The following GTF2E2 variants were observed in gnomAD, a reference collection of about 807,000 sequenced individuals.
GTF2E2 encodes the protein transcription initiation factor IIE subunit beta.
A neutral mutation model predicts 40.5 loss-of-function variants in GTF2E2; 21 were observed. That is an observed-to-expected ratio of 0.52 (90% confidence interval 0.37 to 0.75). The LOEUF (loss-of-function observed/expected upper bound fraction) is 0.75, where lower values mean the gene tolerates loss of function less well. Among genes scored for constraint, GTF2E2 ranks in the 30% least tolerant of loss-of-function variants. The pLI, the probability that GTF2E2 is intolerant of heterozygous loss-of-function variation, is 0.00. For synonymous variants in GTF2E2, 117 were observed against 121.6 expected (o/e 0.96, Z 0.25); for missense variants, 298 against 338.4 (o/e 0.88, Z 0.94).
At chr8:30,619,695 A>G (rs1215063824) in intron 3 of GTF2E2, among the ~76,000 whole-genome samples, 1 of 151,936 alleles carries the variant, frequency 6.6e-6, no homozygotes, top group East Asian at 1.9e-4. Flanking sequence ...CCAAACTGAC[A>G]TATTTTTTAA....
chr8:30,652,886 A>G (rs1802327645), intron 2 of GTF2E2, among the ~76,000 whole-genome samples: 1 of 152,254 alleles, frequency 6.6e-6, no homozygotes, highest in Non-Finnish European at 1.5e-5. Context: ...ACCAATAAAA[A>G]TGGAATGAAG....
At chr8:30,641,959 C>G (rs1161348931) in intron 2 of GTF2E2, among the ~76,000 whole-genome samples, 2 of 152,134 alleles carry the variant, frequency 1.3e-5, no homozygotes, top group Non-Finnish European at 2.9e-5. Flanking sequence ...GGCCACAGCA[C>G]CCAGCCAAGC....
chr8:30,628,446 G>C (rs1801347358), intron 3 of GTF2E2, among the ~76,000 whole-genome samples: 1 of 152,164 alleles, frequency 6.6e-6, no homozygotes, highest in Non-Finnish European at 1.5e-5. Context: ...AACTTATCAT[G>C]TCCACAACTT....
chr8:30,638,474 T>C (rs1331094975), intron 2 of GTF2E2: 2 of 152,524 alleles, frequency 1.3e-5, no homozygotes, highest in African/African-American at 4.8e-5. Flanking sequence ...AGTTTATGAA[T>C]GATTTACTCT....
chr8:30,608,353 G>C (rs911349823), intron 5 of GTF2E2, among the ~76,000 whole-genome samples: 1 of 152,174 alleles, frequency 6.6e-6, no homozygotes, highest in African/African-American at 2.4e-5. Context: ...ACAGTATTTT[G>C]TGAAAAGAAT....
Position 30,615,874 on chromosome 8 carries a change from A to G in GTF2E2, c.259-1159T>C, listed in dbSNP as rs1341640753. On this transcript the variant is annotated intron_variant, in intron 3 of 7. Coordinates refer to ENST00000355904, the MANE Select transcript of GTF2E2 (RefSeq NM_002095.6). ...ATGTACATACAAAAATCCACTAAGG[A>G]TGCTTATTACAGCTTTATCCATAAT... Among the ~76,000 whole-genome samples the G allele has an allele frequency of 2.6e-5, 4 of 152,212 alleles. 1 individual carries two copies. In the East Asian group the frequency reaches 7.7e-4, roughly 29 times the overall value.
At position 30,609,279 on chromosome 8, in the gene GTF2E2, A is replaced by G. The variant is rs534602802; in HGVS notation, c.550-2129T>C. On this transcript the variant is annotated intron_variant, in intron 5 of 7. Coordinates refer to ENST00000355904, the MANE Select transcript of GTF2E2 (RefSeq NM_002095.6). ...AGACTCCGCCTCAAAAAAAAAAAAA[A>G]AGAGAAAGAAAGAAAGAAAGAAATA... 5.2e-3 allele frequency among the ~76,000 whole-genome samples: 655 copies of G among 126,406 alleles called. 5 individuals are homozygous for G. Among genetic ancestry groups the G allele is most frequent in the African/African-American group, 0.019 (616 of 31,964 alleles). The allele number at this position is 126,406 out of a possible 152,430, so 82.9% of individuals were successfully genotyped here. A position where few individuals can be genotyped will look rare whatever the true frequency, so the allele number is the denominator to read the frequency against.
chr8:30,637,092 A>T lies in GTF2E2; in HGVS notation c.167-1969T>A, dbSNP rs1167147987. ...TAAATATAATAAAATTGAGGGTAGT[A>T]AGCAGCAGAGTATAGATTCAAATCC... is the stretch of plus-strand genomic sequence containing the variant. On this transcript the variant is annotated intron_variant, in intron 2 of 7. Coordinates refer to ENST00000355904, the MANE Select transcript of GTF2E2 (RefSeq NM_002095.6). The T allele has an allele frequency of 1.8e-5, 7 of 399,970 alleles. No individual in the cohort carries two copies. The East Asian group carries it at 5.0e-4, about 29-fold the overall frequency. The allele number at this position is 399,970 out of a possible 1,614,324, so 24.8% of individuals were successfully genotyped here. A position where few individuals can be genotyped will look rare whatever the true frequency, so the allele number is the denominator to read the frequency against.
At chr8:30,600,401 C>G (rs1415957100) in intron 6 of GTF2E2, among the ~76,000 whole-genome samples, 1 of 152,140 alleles carries the variant, frequency 6.6e-6, no homozygotes, top group African/African-American at 2.4e-5. Context: ...TTACTTTCCA[C>G]CAGATTCTGT....
chr8:30,616,679 TTGAC>T (rs1213773269), intron 3 of GTF2E2, among the ~76,000 whole-genome samples: 2 of 152,068 alleles, frequency 1.3e-5, no homozygotes, highest in African/African-American at 4.8e-5. Flanking sequence ...CGTAGGTTCA[TTGAC>T]TGTCACAAAT....
At chr8:30,649,681 C>G (rs1356642029) in intron 2 of GTF2E2, among the ~76,000 whole-genome samples, 2 of 152,090 alleles carry the variant, frequency 1.3e-5, no homozygotes, top group African/African-American at 4.8e-5. Flanking sequence ...CCTGTCTCTA[C>G]TAAAAATACA....
chr8:30,606,426 C>T (rs1001335618), intron 6 of GTF2E2, among the ~76,000 whole-genome samples: 4 of 152,148 alleles, frequency 2.6e-5, no homozygotes, highest in African/African-American at 9.7e-5. Context: ...AAAAGTAATA[C>T]AAATTTACAG....
At chr8:30,582,206 T>C (rs1828535954) in intron 6 of GTF2E2, among the ~76,000 whole-genome samples, 1 of 152,094 alleles carries the variant, frequency 6.6e-6, no homozygotes, top group Non-Finnish European at 1.5e-5. Flanking sequence ...GGGGGTTGTG[T>C]AGAGATGAGG....
At chr8:30,610,674 C>T (rs1289895191) in intron 5 of GTF2E2, among the ~76,000 whole-genome samples, 1 of 152,124 alleles carries the variant, frequency 6.6e-6, no homozygotes, top group East Asian at 1.9e-4. Flanking sequence ...TGGACTCTTA[C>T]ACCATATACA....
chr8:30,645,640 C>G, intron 2 of GTF2E2: 1 of 1,484,244 alleles, frequency 6.7e-7, no homozygotes, highest in Non-Finnish European at 8.9e-7. Flanking sequence ...GCAGCTCAAC[C>G]TCTTCTGAGA....
At chr8:30,634,622 G>A (rs1263227616) in intron 3 of GTF2E2, among the ~76,000 whole-genome samples, 3 of 152,128 alleles carry the variant, frequency 2.0e-5, no homozygotes, top group African/African-American at 7.2e-5. Context: ...CCAAGATGCA[G>A]AGAAGCCATC....
intron 3 of GTF2E2, among the ~76,000 whole-genome samples, chr8:30,623,714 G>T (rs995101409): frequency 4.9e-4 from 75 of 152,110 alleles, no homozygotes; most frequent in Admixed American, 1.8e-3. Context: ...CATTCTAACT[G>T]GTGTGAGATG....
At chr8:30,644,947 G>A (rs1356789874) in intron 2 of GTF2E2, among the ~76,000 whole-genome samples, 1 of 151,594 alleles carries the variant, frequency 6.6e-6, no homozygotes. Context: ...GACGGGTTTC[G>A]CCATGTTGAC....
intron 1 of GTF2E2, among the ~76,000 whole-genome samples, chr8:30,656,506 TTACTC>T (rs1471047677): frequency 6.6e-6 from 1 of 152,136 alleles, no homozygotes; most frequent in East Asian, 1.9e-4. Context: ...TTTAAAAAAA[TTACTC>T]TAAAAGATTT....
Sources: gnomAD v4.1 joint callset for allele counts (sites outside exome capture counted in the v4.1 genomes callset) on GRCh38, gnomAD v4.1.1 for gene constraint, MANE v1.5 for transcripts, NCBI Gene and HGNC (gene_info 2026-07-23, HGNC 2026-07-21) for gene names.